ANKHD1: variants seen among roughly 807,000 people sequenced by gnomAD.
ANKHD1 encodes the protein ankyrin repeat and KH domain containing 1, also known as ankyrin repeat and KH domain-containing protein 1.
ANKHD1 carries 31 observed loss-of-function variants against 230.5 expected under a neutral mutation model. That is an observed-to-expected ratio of 0.13 (90% CI 0.10 to 0.18). The LOEUF (loss-of-function observed/expected upper bound fraction) is 0.18. Among genes scored for constraint, ANKHD1 ranks in the 10% least tolerant of loss-of-function variants. The pLI, the probability that ANKHD1 is intolerant of heterozygous loss-of-function variation, is 1.00. For missense variants in ANKHD1, 2,256 were observed against 3,071.3 expected (o/e 0.73, Z 6.27); for synonymous variants, 1,074 against 1,117.6 (o/e 0.96, Z 0.78).
intron 7 of ANKHD1, among the ~76,000 whole-genome samples, chr5:140,455,142 C>CA (rs2126955576): frequency 6.6e-6 from 1 of 152,248 alleles, no homozygotes; most frequent in East Asian, 1.9e-4. Context: ...TGGACACATA[C>CA]ACTCTTCCAA....
chr5:140,440,075 G>A lies in ANKHD1; in HGVS notation c.618-44G>A, dbSNP rs139501314. ...TAATATAATTTATCATAGGACCCCC[G>A]AGTCTTTTTGTTTCGGTTAATTGTT... On this transcript the variant is annotated intron_variant, in intron 3 of 33. Transcript: ENST00000360839. 3.5e-5 allele frequency: 53 copies of A among 1,502,618 alleles called. No individual in the cohort carries two copies. The African/African-American group carries it at 5.8e-4, about 16-fold the overall frequency. The allele number at this position is 1,502,618 out of a possible 1,614,324, so 93.1% of individuals were successfully genotyped here.
At chr5:140,534,100 TG>T (rs1225567130) in intron 29 of ANKHD1, among the ~76,000 whole-genome samples, 1 of 151,926 alleles carries the variant, frequency 6.6e-6, no homozygotes, top group East Asian at 1.9e-4. Context: ...TGCTTAGAAA[TG>T]GAAATATGAG....
At chr5:140,516,179 T>C (rs1488130928) in intron 24 of ANKHD1, among the ~76,000 whole-genome samples, 2 of 151,922 alleles carry the variant, frequency 1.3e-5, no homozygotes, top group Non-Finnish European at 2.9e-5. Context: ...TGCGATCAAC[T>C]GGAAGAAAGG....
intron 15 of ANKHD1, among the ~76,000 whole-genome samples, chr5:140,500,457 C>T (rs1752239601): frequency 6.6e-6 from 1 of 151,784 alleles, no homozygotes. Flanking sequence ...CAAGACCAGC[C>T]TGGCCAACAT....
chr5:140,504,746 G>T (rs1752474410), intron 15 of ANKHD1, 75 bp from the exon 16 acceptor site: 1 of 1,539,692 alleles, frequency 6.5e-7, no homozygotes, highest in Non-Finnish European at 8.7e-7. Context: ...GGAAATTTCT[G>T]TTTTTGTGTT....
chr5:140,406,491 A>G (rs1034706615), intron 1 of ANKHD1, among the ~76,000 whole-genome samples: 1 of 152,088 alleles, frequency 6.6e-6, no homozygotes, highest in Non-Finnish European at 1.5e-5. Flanking sequence ...GAGAAAAAAC[A>G]AGCTACTCTT....
intron 29 of ANKHD1, among the ~76,000 whole-genome samples, chr5:140,532,478 C>T (rs886463182): frequency 6.6e-6 from 1 of 151,978 alleles, no homozygotes; most frequent in Non-Finnish European, 1.5e-5. Context: ...CTCTGTTGCC[C>T]AGGCTGGAGT....
intron 7 of ANKHD1, among the ~76,000 whole-genome samples, chr5:140,450,231 A>G (rs562195486): frequency 6.2e-4 from 94 of 152,168 alleles, no homozygotes; most frequent in African/African-American, 2.1e-3. Context: ...TTTGTTGACT[A>G]TTGCTGTTTA....
intron 7 of ANKHD1, among the ~76,000 whole-genome samples, chr5:140,456,676 T>A (rs1357123422): frequency 6.6e-6 from 1 of 152,204 alleles, no homozygotes; most frequent in Non-Finnish European, 1.5e-5. Flanking sequence ...AAACTAAAAC[T>A]GGATCCCTTC....
intron 14 of ANKHD1, among the ~76,000 whole-genome samples, chr5:140,492,862 A>G (rs1381843474): frequency 1.3e-5 from 2 of 152,186 alleles, no homozygotes; most frequent in Non-Finnish European, 2.9e-5. Flanking sequence ...ATTAAGCTCA[A>G]TCCAATAAAA....
intron 7 of ANKHD1, among the ~76,000 whole-genome samples, chr5:140,456,632 A>G (rs1332339171): frequency 2.0e-5 from 3 of 152,232 alleles, no homozygotes; most frequent in African/African-American, 4.8e-5. Context: ...TATTTAATAC[A>G]TGGTGCTGGG....
At position 140,526,063 on chromosome 5, in the gene ANKHD1, A is replaced by G; in HGVS notation, c.4560A>G (p.Thr1520=). The G allele has an allele frequency of 1.9e-6, 3 of 1,612,892 alleles. No individual in the cohort carries two copies. Among genetic ancestry groups the G allele is most frequent in the South Asian group, 1.1e-5 (1 of 90,770 alleles). ...TTTTTIGISA[T]SATFTNVFGK... ...CCACTACGATTGGAATCTCTGCAACATCTGCAACATTCACAAATGTGTTTG... is the reference window on the plus strand; with the variant it reads ...CCACTACGATTGGAATCTCTGCAACGTCTGCAACATTCACAAATGTGTTTG... Residue 1520 remains threonine, a synonymous_variant, in exon 26 of 34, where the codon ACA becomes ACG. Coordinates refer to ENST00000360839, the MANE Select transcript of ANKHD1 (RefSeq NM_017747.3).
Position 140,527,069 on chromosome 5 carries a change from A to G in ANKHD1, c.5082A>G (p.Val1694=). The G allele has an allele frequency of 6.2e-7, 1 of 1,611,920 alleles. No individual in the cohort carries two copies. The highest frequency in any genetic ancestry group is 8.5e-7 in the Non-Finnish European group (1 of 1,179,274). The change falls in exon 27 of 34, where the codon GTA becomes GTG. Residue 1694 remains valine (V), a synonymous_variant. Transcript: ENST00000360839. This position sits in a 1 kb window ranked among gnomAD's most constrained non-coding sequence, Gnocchi z 4.5. ...GAGAAGAAGGGTGGAAAGAAGTTGT[A>G]CGAAGGTAAATAGAATTAGTTCCAT... ...QKREEGWKEV[V]RRSKKLSVPA...
intron 14 of ANKHD1, among the ~76,000 whole-genome samples, chr5:140,491,160 A>ATATATATT (rs1282293062): frequency 3.5e-4 from 16 of 45,658 alleles, no homozygotes; most frequent in Admixed American, 7.8e-4. Flanking sequence ...ATATATATAT[A>ATATATATT]TTTTTTTTTT....
rs750923306 is a variant in ANKHD1 at position 140,505,171 on chromosome 5, A to G, written c.3200A>G (p.His1067Arg). The stretch of plus-strand genomic sequence containing the variant: ...TTAACACTAGCTTGTGCAGGTGGTC[A>G]TGAAGAACTTGTATCTGTGCTCATT... Reference protein sequence around the residue: ...TALTLACAGGHEELVSVLIAR... With the variant: ...TALTLACAGGREELVSVLIAR... Residue 1067 changes from histidine to arginine, a missense_variant, in exon 17 of 34, where the codon CAT becomes CGT. Around this residue, in one of 13 missense-constraint regions of ANKHD1, gnomAD observed 63 missense variants for 125.5 expected, o/e 0.50. Transcript: ENST00000360839. The G allele has an allele frequency of 1.2e-6, 2 of 1,614,214 alleles. No homozygotes were observed. The highest frequency in any genetic ancestry group is 1.7e-6 in the Non-Finnish European group (2 of 1,180,032).
intron 1 of ANKHD1, among the ~76,000 whole-genome samples, chr5:140,415,051 C>T (rs1351292101): frequency 2.0e-5 from 3 of 151,736 alleles, no homozygotes; most frequent in Admixed American, 6.6e-5. Context: ...TTTATTTTGT[C>T]GTATGCTTAT....
intron 1 of ANKHD1, among the ~76,000 whole-genome samples, chr5:140,414,823 G>A (rs575693391): frequency 7.2e-6 from 1 of 139,556 alleles, no homozygotes; most frequent in South Asian, 2.5e-4. Context: ...GGTGACAAGA[G>A]TGAGACCCTG....
At chr5:140,479,997 GCTT>G (rs1210736270) in intron 10 of ANKHD1, among the ~76,000 whole-genome samples, 11 of 149,234 alleles carry the variant, frequency 7.4e-5, no homozygotes, top group Non-Finnish European at 3.0e-5. Context: ...TCTTTTTTCT[GCTT>G]CTTGCACAGC....
chr5:140,433,826 G>A (rs1195048173), intron 1 of ANKHD1, among the ~76,000 whole-genome samples: 2 of 152,084 alleles, frequency 1.3e-5, no homozygotes, highest in Admixed American at 6.5e-5. Context: ...TTTTTCCACT[G>A]GAATGATGTT....
Sources: gnomAD v4.1 joint callset for allele counts (sites outside exome capture counted in the v4.1 genomes callset) on GRCh38, gnomAD v4.1.1 for gene constraint, gnomAD v4.1.1 regional missense constraint, Gnocchi (gnomAD v3.1) non-coding constraint, MANE v1.5 for transcripts, NCBI Gene and HGNC (gene_info 2026-07-23, HGNC 2026-07-21) for gene names.